The following SLC44A5 variants were observed in gnomAD, a reference collection of about 807,000 sequenced individuals.
SLC44A5 encodes the protein solute carrier family 44 member 5, also known as choline transporter-like protein 5.
SLC44A5 carries 57 observed loss-of-function variants against 101.8 expected under a neutral mutation model. That is an observed-to-expected ratio of 0.56 (90% CI 0.45 to 0.70). SLC44A5 has a LOEUF of 0.70. Among genes scored for constraint, SLC44A5 ranks in the 30% least tolerant of loss-of-function variants. The probability of loss-of-function intolerance (pLI) is 0.00; values close to 1 mark genes in which losing one functional copy is unlikely to be tolerated. For missense variants in SLC44A5, 737 were observed against 853.1 expected (o/e 0.86, Z 1.70); for synonymous variants, 281 against 290.9 (o/e 0.97, Z 0.35).
At chr1:75,330,124 C>T (rs1342375367) in intron 4 of SLC44A5, among the ~76,000 whole-genome samples, 56 of 146,356 alleles carry the variant, frequency 3.8e-4, no homozygotes, top group African/African-American at 1.4e-3. Context: ...CACACACACA[C>T]ACACACACAC....
At chr1:75,580,664 C>A (rs1439396946) in intron 1 of SLC44A5, among the ~76,000 whole-genome samples, 1 of 152,018 alleles carries the variant, frequency 6.6e-6, no homozygotes, top group Non-Finnish European at 1.5e-5. Flanking sequence ...CATGGCACAA[C>A]CCTGTCTCTG....
the SLC44A5 span, among the ~76,000 whole-genome samples, chr1:75,660,404 T>C: frequency 6.6e-6 from 1 of 152,044 alleles, no homozygotes; most frequent in Non-Finnish European, 1.5e-5. Context: ...TTGAAAGCCC[T>C]TCCTCTAATA....
At chr1:75,633,498 T>C in the SLC44A5 span, among the ~76,000 whole-genome samples, 11 of 152,272 alleles carry the variant, frequency 7.2e-5, no homozygotes, top group Admixed American at 2.0e-4. Flanking sequence ...AATGGGAGTT[T>C]ACTCATGATT....
intron 1 of SLC44A5, among the ~76,000 whole-genome samples, chr1:75,609,101 T>A (rs936898017): frequency 5.9e-5 from 9 of 151,706 alleles, no homozygotes; most frequent in Non-Finnish European, 1.5e-5. Flanking sequence ...GAGAACTACA[T>A]GAACGAATAA....
the SLC44A5 span, among the ~76,000 whole-genome samples, chr1:75,712,713 A>AAAAATTGAAAAAAAAAAAAAAAAAAAC: frequency 9.0e-6 from 1 of 110,642 alleles, no homozygotes; most frequent in African/African-American, 3.5e-5. Flanking sequence ...AAAAAAAAAA[A>AAAAATTGAAAAAAAAAAAAAAAAAAAC]ATGGAAAAGA....
intron 1 of SLC44A5, among the ~76,000 whole-genome samples, chr1:75,587,065 A>G (rs560670471): frequency 6.6e-6 from 1 of 152,298 alleles, no homozygotes; most frequent in South Asian, 2.1e-4. Flanking sequence ...ACATTTTTGT[A>G]TGTCACAACT....
intron 3 of SLC44A5, among the ~76,000 whole-genome samples, chr1:75,347,162 G>A (rs915717513): frequency 3.3e-5 from 5 of 152,098 alleles, no homozygotes; most frequent in African/African-American, 9.7e-5. Flanking sequence ...AAAACAGCAA[G>A]AGTTTGTCAG....
At chr1:75,228,907 G>A (rs1184411830) in intron 12 of SLC44A5, among the ~76,000 whole-genome samples, 1 of 151,062 alleles carries the variant, frequency 6.6e-6, no homozygotes, top group Non-Finnish European at 1.5e-5. Context: ...AACAAATTTT[G>A]CCTGCATAAA....
chr1:75,314,558 G>A (rs1353031101), intron 4 of SLC44A5, among the ~76,000 whole-genome samples: 1 of 152,082 alleles, frequency 6.6e-6, no homozygotes, highest in African/African-American at 2.4e-5. Context: ...ATAACAATAG[G>A]TGAGATACAA....
intron 13 of SLC44A5, among the ~76,000 whole-genome samples, chr1:75,223,150 T>A (rs1457865938): frequency 6.6e-6 from 1 of 152,200 alleles, no homozygotes; most frequent in Non-Finnish European, 1.5e-5. Context: ...AAAGTATAGT[T>A]GTATAAAGAA....
chr1:75,476,993 G>C (rs1209497710), intron 2 of SLC44A5, among the ~76,000 whole-genome samples: 3 of 152,220 alleles, frequency 2.0e-5, no homozygotes, highest in Admixed American at 6.5e-5. Context: ...GCCTAACTGG[G>C]AGGCACCCCC....
At chr1:75,230,770 T>C (rs895875771) in intron 12 of SLC44A5, among the ~76,000 whole-genome samples, 4 of 151,898 alleles carry the variant, frequency 2.6e-5, no homozygotes, top group Admixed American at 6.6e-5. Flanking sequence ...GTATGCACCA[T>C]CATGCCCAGC....
chr1:75,667,546 A>G, the SLC44A5 span, among the ~76,000 whole-genome samples: 1 of 152,230 alleles, frequency 6.6e-6, no homozygotes, highest in Non-Finnish European at 1.5e-5. Flanking sequence ...TCAAGCTACC[A>G]TTAACTTTCT....
At chr1:75,212,706 C>G (rs531407719) in intron 22 of SLC44A5, among the ~76,000 whole-genome samples, 9 of 152,204 alleles carry the variant, frequency 5.9e-5, no homozygotes, top group Admixed American at 3.3e-4. Flanking sequence ...CACATACTGC[C>G]TGGGTTTGAA....
At chr1:75,540,545 C>A (rs1276012406) in intron 2 of SLC44A5, among the ~76,000 whole-genome samples, 1 of 152,150 alleles carries the variant, frequency 6.6e-6, no homozygotes, top group Non-Finnish European at 1.5e-5. Context: ...CAAACATATT[C>A]TGGGTTCCTC....
chr1:75,674,246 T>C, the SLC44A5 span, among the ~76,000 whole-genome samples: 1 of 152,046 alleles, frequency 6.6e-6, no homozygotes, highest in Non-Finnish European at 1.5e-5. Flanking sequence ...AAGTAGACAT[T>C]CTGAGGTGAA....
At chr1:75,297,706 A>G (rs1654075149) in intron 5 of SLC44A5, among the ~76,000 whole-genome samples, 2 of 152,224 alleles carry the variant, frequency 1.3e-5, no homozygotes, top group South Asian at 4.1e-4. Flanking sequence ...TCTAATTAGT[A>G]CAATAATTGA....
At chr1:75,255,118 G>A (rs1166536802) in intron 6 of SLC44A5, among the ~76,000 whole-genome samples, 1 of 152,072 alleles carries the variant, frequency 6.6e-6, no homozygotes, top group African/African-American at 2.4e-5. Flanking sequence ...CACCCCACAT[G>A]GTGCAGAGGC....
At chr1:75,243,075 G>C (rs189094870) in intron 7 of SLC44A5, 64 bp from the exon 8 acceptor site, 6 of 1,501,992 alleles carry the variant, frequency 4.0e-6, no homozygotes, top group South Asian at 2.9e-5. Flanking sequence ...TACCTATAAA[G>C]CTAGACTTCT....
Sources: allele counts gnomAD v4.1 joint callset (sites outside exome capture counted in the v4.1 genomes callset), GRCh38; gene constraint gnomAD v4.1.1; transcripts MANE v1.5; gene names NCBI Gene and HGNC (gene_info 2026-07-23, HGNC 2026-07-21).